The following GRIN2D variants were observed in gnomAD, a reference collection of about 807,000 sequenced individuals.
The protein encoded by GRIN2D is glutamate receptor ionotropic, NMDA 2D.
In GRIN2D, 37 loss-of-function variants were observed where a neutral mutation model predicts 103.2. The ratio of observed to expected loss-of-function variants is 0.36; its 90% confidence interval spans 0.28 to 0.47. The LOEUF (loss-of-function observed/expected upper bound fraction) is 0.47, where lower values mean the gene tolerates loss of function less well. Among genes scored for constraint, GRIN2D ranks in the 20% least tolerant of loss-of-function variants. GRIN2D has a pLI of 1.00. For missense variants in GRIN2D, 1,557 were observed against 1,910.6 expected (o/e 0.81, Z 3.45); for synonymous variants, 845 against 885.6 (o/e 0.95, Z 0.81).
In GRIN2D at chr19:48,398,776, C is replaced by T; in HGVS notation, c.384C>T (p.Pro128=). The T allele has an allele frequency of 6.8e-7, 1 of 1,461,512 alleles. No homozygotes were observed. Among genetic ancestry groups the T allele is most frequent in the Middle Eastern group, 2.4e-4 (1 of 4,234 alleles). 90.5% of individuals were successfully genotyped at this position (1,461,512 alleles called of 1,614,324 possible). ...ACTCGCGCGCGCCCGCCGTCGCGCC[C>T]ATCCTCGACTTCCTGTCGGCGCAGA... is the stretch of plus-strand genomic sequence containing the variant. ...EDDSRAPAVA[P]ILDFLSAQTS... The change falls in exon 3 of 14, where the codon CCC becomes CCT. Residue 128 remains proline, a synonymous_variant. Coordinates refer to ENST00000263269, the MANE Select transcript of GRIN2D (RefSeq NM_000836.4).
chr19:48,440,847 T>A (rs764826569), intron 11 of GRIN2D, among the ~76,000 whole-genome samples: 9 of 151,924 alleles, frequency 5.9e-5, no homozygotes, highest in Non-Finnish European at 1.0e-4. Context: ...CCACCACACC[T>A]GGCTAATTTT....
chr19:48,443,640 C>G lies in GRIN2D; in HGVS notation c.3714C>G (p.Ala1238=). ...CPRSHPHRPR[A]SHRTPAAAAP... The stretch of plus-strand genomic sequence containing the variant: ...GGTCGCACCCGCACCGCCCGCGGGC[C>G]TCGCACCGCACGCCCGCCGCCGCCG... Residue 1238 remains alanine, a synonymous_variant, in exon 14 of 14, where the codon GCC becomes GCG. Coordinates refer to ENST00000263269, the MANE Select transcript of GRIN2D (RefSeq NM_000836.4). The surrounding 1 kb of genome is among the most constrained non-coding windows in gnomAD (Gnocchi z 8.9). 9.1e-7 allele frequency: 1 copy of G among 1,101,612 alleles called. No homozygotes were observed. The highest frequency in any genetic ancestry group is 1.1e-6 in the Non-Finnish European group (1 of 908,274). 68.2% of individuals were successfully genotyped at this position (1,101,612 alleles called of 1,614,324 possible).
At chr19:48,413,940 C>T (rs749129965) in intron 4 of GRIN2D, 51 bp from the exon 5 acceptor site, 1 of 1,053,796 alleles carries the variant, frequency 9.5e-7, no homozygotes, top group Non-Finnish European at 1.5e-6. Flanking sequence ...CCTTCCGCTG[C>T]CAAGGTCCAG....
chr19:48,425,923 A>C (rs955439332), intron 11 of GRIN2D, among the ~76,000 whole-genome samples: 3 of 152,060 alleles, frequency 2.0e-5, no homozygotes, highest in African/African-American at 7.2e-5. Context: ...GCTTCTCATA[A>C]AGCTTCCCCT....
intron 11 of GRIN2D, among the ~76,000 whole-genome samples, chr19:48,437,907 A>T (rs937180570): frequency 6.6e-6 from 1 of 152,100 alleles, no homozygotes; most frequent in African/African-American, 2.4e-5. Flanking sequence ...ATCTATATAA[A>T]ATTAATTCAA....
At chr19:48,420,204 G>A (rs956036017) in intron 10 of GRIN2D, among the ~76,000 whole-genome samples, 9 of 151,952 alleles carry the variant, frequency 5.9e-5, no homozygotes, top group East Asian at 3.9e-4. Context: ...CGAGGCGGGC[G>A]GATCACGAGG....
intron 2 of GRIN2D, among the ~76,000 whole-genome samples, 183 bp from the exon 3 acceptor site, chr19:48,398,184 T>A (rs1970665682): frequency 6.6e-6 from 1 of 151,480 alleles, no homozygotes; most frequent in Non-Finnish European, 1.5e-5. Flanking sequence ...TCCATCTCTC[T>A]CGTCCTCCGT....
intron 11 of GRIN2D, among the ~76,000 whole-genome samples, chr19:48,431,567 A>G (rs1432955734): frequency 6.7e-6 from 1 of 149,052 alleles, no homozygotes; most frequent in African/African-American, 2.5e-5. Context: ...TATCAGTGAC[A>G]TGCCTTGATC....
chr19:48,399,045 G>C (rs1970678772), intron 3 of GRIN2D, among the ~76,000 whole-genome samples, 188 bp downstream of exon 3: 1 of 152,170 alleles, frequency 6.6e-6, no homozygotes. Context: ...GGGCTGACTT[G>C]GAGGGGGCTG....
In GRIN2D at chr19:48,442,878, G is replaced by T; in HGVS notation, c.2952G>T (p.Pro984=). 2 of 1,082,698 alleles carry T rather than the reference G, an allele frequency of 1.8e-6. No individual in the cohort carries two copies. Among genetic ancestry groups the T allele is most frequent in the East Asian group, 6.4e-5 (1 of 15,690 alleles). The allele number at this position is 1,082,698 out of a possible 1,614,324, so 67.1% of individuals were successfully genotyped here. Residue 984 remains proline (P), a synonymous_variant, in exon 14 of 14, where the codon CCG becomes CCT. Transcript: ENST00000263269. The surrounding 1 kb of genome is among the most constrained non-coding windows in gnomAD (Gnocchi z 7.2). ...GCCTGGGCGAAGCGCGCGCGGCACC[G>T]CGGGGCGCAGCCGGGCGCCCGCTGT... ...GLGLGEARAA[P]RGAAGRPLSP... is the part of the protein sequence containing the mutation.
At position 48,405,215 on chromosome 19, in the gene GRIN2D, T is replaced by C; in HGVS notation, c.947T>C (p.Leu316Pro). 1 of 1,602,162 alleles carries C rather than the reference T, an allele frequency of 6.2e-7. No homozygotes were observed. Among genetic ancestry groups the C allele is most frequent in the Non-Finnish European group, 8.5e-7 (1 of 1,178,262 alleles). ...AVRSAGWRDD[L>P]ARRVAAGVAV... ...CGCTCGGCTGGCTGGCGGGATGACC[T>C]GGCTCGGCGAGTGGCAGCTGGCGTG... The change falls in exon 4 of 14, where the codon CTG (leucine) becomes CCG (proline). Residue 316 changes from leucine (L) to proline (P), a missense_variant. Leu to Pro is a moderately conservative substitution (Grantham distance 98, BLOSUM62 -3). Transcript: ENST00000263269. This position sits in a 1 kb window ranked among gnomAD's most constrained non-coding sequence, Gnocchi z 5.1.
At chr19:48,428,842 AC>A (rs1367429177) in intron 11 of GRIN2D, among the ~76,000 whole-genome samples, 1 of 152,110 alleles carries the variant, frequency 6.6e-6, no homozygotes, top group East Asian at 1.9e-4. Context: ...AACCCTTAAG[AC>A]CTCATAAAAA....
chr19:48,414,878 C>T lies in GRIN2D; in HGVS notation c.1427C>T (p.Ala476Val). The T allele has an allele frequency of 1.2e-6, 2 of 1,614,016 alleles. No individual in the cohort carries two copies. The highest frequency in any genetic ancestry group is 3.3e-5 in the Admixed American group (2 of 59,996). The part of the protein sequence containing the change: ...LNRTHSPPPD[A>V]PRPEKRCCKG... Reference sequence around the variant, plus strand: ...ACTGCCCGCAGCCCTCCACCGGATGCCCCCCGCCCGGAAAAGCGCTGCTGC... The same window carrying T: ...ACTGCCCGCAGCCCTCCACCGGATGTCCCCCGCCCGGAAAAGCGCTGCTGC... The change falls in exon 7 of 14, where the codon GCC (alanine) becomes GTC (valine). Residue 476 changes from alanine (A) to valine (V), a missense_variant. By Grantham distance (64) the Ala-to-Val change is moderately conservative (BLOSUM62 0). Transcript: ENST00000263269. This position sits in a 1 kb window ranked among gnomAD's most constrained non-coding sequence, Gnocchi z 4.6.
intron 4 of GRIN2D, among the ~76,000 whole-genome samples, chr19:48,412,469 GAAAGAAAGAAA>G (rs1407955063): frequency 1.3e-5 from 2 of 149,948 alleles, no homozygotes; most frequent in African/African-American, 4.9e-5. Flanking sequence ...AAGAAAGAAA[GAAAGAAAGAAA>G]GAGAGAGAAA....
Position 48,443,051 on chromosome 19 carries a change from G to A in GRIN2D, c.3125G>A (p.Gly1042Glu), listed in dbSNP as rs1413873237. The A allele has an allele frequency of 9.6e-7, 1 of 1,045,428 alleles. No individual in the cohort carries two copies. Among genetic ancestry groups the A allele is most frequent in the Non-Finnish European group, 1.1e-6 (1 of 872,022 alleles). The allele number at this position is 1,045,428 out of a possible 1,614,324, so 64.8% of individuals were successfully genotyped here. The change falls in exon 14 of 14, where the codon GGG becomes GAG. Residue 1042 changes from glycine (G) to glutamate (E), a missense_variant. Coordinates refer to ENST00000263269, the MANE Select transcript of GRIN2D (RefSeq NM_000836.4). This position sits in a 1 kb window ranked among gnomAD's most constrained non-coding sequence, Gnocchi z 8.9. ...CCCGCCGCCGCGGCCACCGCCGTCG[G>A]GCCGCCACTCTGCCGCTTGGCCTTC... Reference protein sequence around the residue: ...APPAAAATAVGPPLCRLAFED... With the variant: ...APPAAAATAVEPPLCRLAFED...
At position 48,441,991 on chromosome 19, in the gene GRIN2D, G is replaced by A. The variant is rs779070189; in HGVS notation, c.2440+35G>A. On this transcript the variant is annotated intron_variant, in intron 12 of 13. Coordinates refer to ENST00000263269, the MANE Select transcript of GRIN2D (RefSeq NM_000836.4). ...CACACAGGGATTTCCACAGCGGAGA[G>A]GGGGAGGGCGAGGCCCCTGGGTTCC... 3.0e-5 allele frequency: 48 copies of A among 1,575,732 alleles called. No individual in the cohort carries two copies. The Admixed American group carries it at 5.1e-4, about 17-fold the overall frequency.
intron 4 of GRIN2D, among the ~76,000 whole-genome samples, chr19:48,412,141 A>G (rs1970870530): frequency 6.6e-6 from 1 of 151,748 alleles, no homozygotes. Context: ...CCTGGCTAAC[A>G]CGGTGAAACC....
At chr19:48,423,523 A>G (rs1040305820) in intron 11 of GRIN2D, among the ~76,000 whole-genome samples, 11 of 152,150 alleles carry the variant, frequency 7.2e-5, no homozygotes, top group African/African-American at 2.7e-4. Flanking sequence ...GGAGGAGGTG[A>G]CATTTGTGCA....
In GRIN2D at chr19:48,422,056, G is replaced by T. The variant is rs1050384218; in HGVS notation, c.2252+111G>T. The T allele has an allele frequency of 3.1e-5, 34 of 1,105,700 alleles. No homozygotes were observed. In the South Asian group the frequency reaches 4.8e-4, roughly 16 times the overall value. 68.5% of individuals were successfully genotyped at this position (1,105,700 alleles called of 1,614,324 possible). ...CATTCAGTCCCAGAGGTCAGCCCTGGGTGGGTCAGCTTGGAGGGCGGAGGT... is the reference window on the plus strand; with the variant it reads ...CATTCAGTCCCAGAGGTCAGCCCTGTGTGGGTCAGCTTGGAGGGCGGAGGT... On this transcript the variant is annotated intron_variant, in intron 11 of 13. Transcript: ENST00000263269.
Sources: allele counts gnomAD v4.1 joint callset (sites outside exome capture counted in the v4.1 genomes callset), GRCh38; gene constraint gnomAD v4.1.1; non-coding constraint Gnocchi (gnomAD v3.1); transcripts MANE v1.5; gene names NCBI Gene and HGNC (gene_info 2026-07-23, HGNC 2026-07-21).